SLC5A4: variants seen among roughly 807,000 people sequenced by gnomAD.
SLC5A4 encodes probable glucose sensor protein SLC5A4.
A neutral mutation model predicts 70.3 loss-of-function variants in SLC5A4; 55 were observed. That is an observed-to-expected ratio of 0.78 (90% CI 0.63 to 0.98). The LOEUF is 0.98. Among genes scored for constraint, SLC5A4 ranks in the 50% least tolerant of loss-of-function variants. The pLI is 0.00. For missense variants in SLC5A4, 735 were observed against 839.2 expected, an observed-to-expected ratio of 0.88 and a Z score of 1.53; for synonymous variants, 268 against 305.7, an observed-to-expected ratio of 0.88 and a Z score of 1.29.
At chr22:32,305,679 C>T in the SLC5A4 span, among the ~76,000 whole-genome samples, 5 of 130,514 alleles carry the variant, frequency 3.8e-5, 1 homozygote, top group East Asian at 6.5e-4. Context: ...GAGGGACACA[C>T]GGTCCCAGTG....
chr22:32,291,456 C>T, the SLC5A4 span, among the ~76,000 whole-genome samples: 6 of 152,256 alleles, frequency 3.9e-5, no homozygotes, highest in East Asian at 9.6e-4. Flanking sequence ...GGATTACAGG[C>T]GTGAGGCACT....
intron 5 of SLC5A4, among the ~76,000 whole-genome samples, chr22:32,239,536 ATATATATATATATATATATATATATATAT>A (rs1926284093): frequency 8.3e-4 from 10 of 12,040 alleles, no homozygotes; most frequent in Middle Eastern, 0.024. Flanking sequence ...ATATATATAT[ATATATATATATATATATATATATATATAT>A]ATATTTATAT....
the SLC5A4 span, among the ~76,000 whole-genome samples, chr22:32,264,756 A>G: frequency 1.3e-5 from 2 of 152,214 alleles, no homozygotes; most frequent in African/African-American, 4.8e-5. Context: ...ATTCATATTA[A>G]CACAAAATAT....
chr22:32,334,100 T>C, the SLC5A4 span, among the ~76,000 whole-genome samples: 1 of 137,176 alleles, frequency 7.3e-6, no homozygotes, highest in South Asian at 2.3e-4. Context: ...CACACACACA[T>C]CACATAGACC....
At chr22:32,352,140 C>T in the SLC5A4 span, among the ~76,000 whole-genome samples, 1 of 151,756 alleles carries the variant, frequency 6.6e-6, no homozygotes, top group Admixed American at 6.6e-5. Context: ...AGCTGGAAAC[C>T]ATCATTCTCA....
chr22:32,221,885 G>A (rs1340812824), intron 13 of SLC5A4, among the ~76,000 whole-genome samples: 1 of 152,130 alleles, frequency 6.6e-6, no homozygotes, highest in Non-Finnish European at 1.5e-5. Flanking sequence ...CGAGTAGCTG[G>A]GGTTACTAAA....
chr22:32,227,059 C>G (rs751482559), intron 11 of SLC5A4, among the ~76,000 whole-genome samples: 1 of 152,128 alleles, frequency 6.6e-6, no homozygotes, highest in Non-Finnish European at 1.5e-5. Flanking sequence ...CCTGCTTTGT[C>G]TTTCTAGCAC....
At chr22:32,267,987 G>A in the SLC5A4 span, among the ~76,000 whole-genome samples, 2 of 152,150 alleles carry the variant, frequency 1.3e-5, no homozygotes, top group East Asian at 3.9e-4. Context: ...AGCCAGGCGT[G>A]GTGGTGGGCG....
the SLC5A4 span, among the ~76,000 whole-genome samples, chr22:32,310,151 G>A: frequency 6.6e-6 from 1 of 152,128 alleles, no homozygotes; most frequent in Admixed American, 6.5e-5. Flanking sequence ...GTGAACTCCA[G>A]CTCTGTCTGT....
chr22:32,324,097 C>A, the SLC5A4 span, among the ~76,000 whole-genome samples: 1 of 151,528 alleles, frequency 6.6e-6, no homozygotes, highest in Non-Finnish European at 1.5e-5. Flanking sequence ...GCTGGTGGAC[C>A]CAGGAGGGGA....
At position 32,254,120 on chromosome 22, in the gene SLC5A4, C is replaced by T. The variant is rs184179755; in HGVS notation, c.207+22G>A. 58 of 1,599,496 alleles carry T rather than the reference C, an allele frequency of 3.6e-5. No homozygotes were observed. In the African/African-American group the frequency reaches 7.2e-4, roughly 20 times the overall value. On this transcript the variant is annotated intron_variant, in intron 2 of 14. Coordinates refer to ENST00000266086, the MANE Select transcript of SLC5A4 (RefSeq NM_014227.3). ...AGCACACACACAGGAAATTTATCTC[C>T]AGAAAACTTCGATCCACTTACCGGC...
the SLC5A4 span, among the ~76,000 whole-genome samples, chr22:32,297,445 G>A: frequency 4.1e-5 from 6 of 147,546 alleles, no homozygotes; most frequent in African/African-American, 1.5e-4. Context: ...TTGCATAGAG[G>A]TGTTTGTAGT....
At chr22:32,230,897 C>T in intron 10 of SLC5A4, 71 bp downstream of exon 10, 2 of 896,980 alleles carry the variant, frequency 2.2e-6, no homozygotes, top group South Asian at 1.4e-5. Context: ...GCAAGAATTG[C>T]ACCATAACCC....
chr22:32,290,856 C>T, the SLC5A4 span, among the ~76,000 whole-genome samples: 3 of 152,174 alleles, frequency 2.0e-5, no homozygotes, highest in Non-Finnish European at 4.4e-5. Flanking sequence ...CATGAGGGTT[C>T]CATCCTCAGG....
At position 32,248,736 on chromosome 22, in the gene SLC5A4, T is replaced by C; in HGVS notation, c.372+7A>G. On this transcript the variant is annotated splice_region_variant and intron_variant, in intron 4 of 14. Coordinates refer to ENST00000266086, the MANE Select transcript of SLC5A4 (RefSeq NM_014227.3). ...TGAACTCTGGCATTTTGGTAACAGA[T>C]ACTCACCCCCGACTTGATGTAGATA... 6.2e-7 allele frequency: 1 copy of C among 1,602,636 alleles called. No homozygotes were observed. Among genetic ancestry groups the C allele is most frequent in the East Asian group, 2.2e-5 (1 of 44,810 alleles).
Position 32,255,308 on chromosome 22 carries a change from T to A in SLC5A4, c.22A>T (p.Ser8Cys), listed in dbSNP as rs78945352. Residue 8 changes from serine to cysteine, a missense_variant, in exon 1 of 15, where the codon AGC (serine) becomes TGC (cysteine). Coordinates refer to ENST00000266086, the MANE Select transcript of SLC5A4 (RefSeq NM_014227.3). ...GGCTCTGGGGTCTCAGCTATGGTGC[T>A]GGGGCTAACCGTACTGGCCATGGCT... MASTVSP[S>C]TIAETPEPPP... 3,489 of 1,614,162 alleles carry A rather than the reference T, an allele frequency of 2.2e-3. 58 individuals are homozygous for A. In the African/African-American group the frequency reaches 0.038, roughly 18 times the overall value.
the SLC5A4 span, among the ~76,000 whole-genome samples, chr22:32,338,033 T>G: frequency 6.6e-6 from 1 of 151,314 alleles, no homozygotes; most frequent in East Asian, 1.9e-4. Context: ...TGCAGCCCCA[T>G]CTCATACTGG....
the SLC5A4 span, among the ~76,000 whole-genome samples, chr22:32,340,680 G>A: frequency 0.3 from 45,426 of 152,040 alleles, 6,860 homozygotes; most frequent in African/African-American, 0.32. Context: ...CCGGAGGGGA[G>A]AGGTCTGGTT....
the SLC5A4 span, among the ~76,000 whole-genome samples, chr22:32,343,266 G>C: frequency 6.6e-6 from 1 of 152,194 alleles, no homozygotes; most frequent in Non-Finnish European, 1.5e-5. Flanking sequence ...TGGCCATAGA[G>C]ACATAGTCAG....
Sources: gnomAD v4.1 joint callset for allele counts (sites outside exome capture counted in the v4.1 genomes callset) on GRCh38, gnomAD v4.1.1 for gene constraint, MANE v1.5 for transcripts, NCBI Gene and HGNC (gene_info 2026-07-23, HGNC 2026-07-21) for gene names.